Variants in ITIH5 observed in about 807,000 individuals in gnomAD.
ITIH5 encodes the protein inter-alpha-trypsin inhibitor heavy chain 5.
ITIH5 carries 65 observed loss-of-function variants against 77.5 expected under a neutral mutation model. That is an observed-to-expected ratio of 0.84 (90% CI 0.69 to 1.03). The LOEUF is 1.03. Among genes scored for constraint, ITIH5 ranks in the 50% least tolerant of loss-of-function variants. ITIH5 has a pLI of 0.00. For synonymous variants in ITIH5, 525 were observed against 494.3 expected (o/e 1.06, Z -0.82); for missense variants, 1,208 against 1,213.1 (o/e 1.00, Z 0.06).
In ITIH5 at chr10:7,660,506, A is replaced by C. The variant is rs1384565076; in HGVS notation, c.91-4831T>G. The stretch of plus-strand genomic sequence containing the variant: ...GGCTTCCTTAGGACGAGCATGTGTC[A>C]GTAACATCATCAGAGCTGTGGAGTG... On this transcript the variant is annotated intron_variant, in intron 1 of 13. Transcript: ENST00000397146. 2.0e-5 allele frequency among the ~76,000 whole-genome samples: 3 copies of C among 152,254 alleles called. No individual in the cohort carries two copies. The East Asian group carries it at 5.8e-4, about 29-fold the overall frequency.
intron 2 of ITIH5, among the ~76,000 whole-genome samples, chr10:7,644,446 A>C (rs1833944060): frequency 6.9e-6 from 1 of 145,298 alleles, no homozygotes; most frequent in Non-Finnish European, 1.5e-5. Context: ...TATATCACAT[A>C]TAGATCATAT....
At chr10:7,579,623 T>G in intron 9 of ITIH5, 132 bp downstream of exon 9, 1 of 851,756 alleles carries the variant, frequency 1.2e-6, no homozygotes, top group African/African-American at 1.7e-5. Context: ...CACCTCCCAT[T>G]GCAATGAGCT....
chr10:7,637,589 G>GACCCACACTCAC, intron 4 of ITIH5, 111 bp from the exon 5 acceptor site: 1 of 1,075,378 alleles, frequency 9.3e-7, no homozygotes, highest in Non-Finnish European at 1.3e-6. Flanking sequence ...CTGCCAGGGA[G>GACCCACACTCAC]ACCCATGGGT....
chr10:7,564,597 T>A (rs1318088254), intron 13 of ITIH5, among the ~76,000 whole-genome samples: 1 of 151,810 alleles, frequency 6.6e-6, no homozygotes, highest in Admixed American at 6.6e-5. Context: ...CCTAGCTGAG[T>A]GGGTAGTATG....
In ITIH5 at chr10:7,648,197, T is replaced by G. The variant is rs374954322; in HGVS notation, c.136-6107A>C. 3.0e-4 allele frequency among the ~76,000 whole-genome samples: 45 copies of G among 149,906 alleles called. No homozygotes were observed. The East Asian group carries it at 7.1e-3, about 24-fold the overall frequency. ...AAGCAGAGCTTCCAGTGAGCGGAGA[T>G]CACACCACTGCACTCCAGCCTGGGC... On this transcript the variant is annotated intron_variant, in intron 2 of 13. Transcript: ENST00000397146.
chr10:7,570,531 T>A (rs755132337), intron 11 of ITIH5: 2 of 152,270 alleles, frequency 1.3e-5, no homozygotes, highest in African/African-American at 4.8e-5. Flanking sequence ...CCTTTTATTA[T>A]ACAGACAGAA....
intron 2 of ITIH5, among the ~76,000 whole-genome samples, chr10:7,649,330 T>C (rs112726191): frequency 0.028 from 4,190 of 152,054 alleles, 82 homozygotes; most frequent in African/African-American, 0.056. Flanking sequence ...TCCTCCTCCT[T>C]CTTCTTTGCA....
intron 1 of ITIH5, among the ~76,000 whole-genome samples, chr10:7,657,041 CTTTTTTTTTTT>C (rs56737624): frequency 1.0e-5 from 1 of 99,868 alleles, no homozygotes. Flanking sequence ...CGCGTTCGGC[CTTTTTTTTTTT>C]TTTTTTTTTT....
intron 5 of ITIH5, among the ~76,000 whole-genome samples, chr10:7,630,733 T>C (rs1833698500): frequency 6.6e-6 from 1 of 152,226 alleles, no homozygotes; most frequent in Non-Finnish European, 1.5e-5. Context: ...CTATCAAATA[T>C]ATGATTTGCA....
At chr10:7,597,372 A>G (rs991432525) in intron 7 of ITIH5, among the ~76,000 whole-genome samples, 12 of 152,160 alleles carry the variant, frequency 7.9e-5, no homozygotes, top group African/African-American at 2.4e-4. Flanking sequence ...TGAAGGAACC[A>G]ACCAAAATTA....
intron 7 of ITIH5, among the ~76,000 whole-genome samples, chr10:7,599,938 C>T (rs1035994416): frequency 1.3e-5 from 2 of 152,088 alleles, no homozygotes; most frequent in African/African-American, 4.8e-5. Context: ...ATTTCTGTTG[C>T]AAGAGGGAAG....
In ITIH5 at chr10:7,559,843, C is replaced by A. The variant is rs1207173713; in HGVS notation, c.*3240G>T. 2 of 448,594 alleles carry A rather than the reference C, an allele frequency of 4.5e-6. No homozygotes were observed. Among genetic ancestry groups the A allele is most frequent in the African/African-American group, 4.4e-5 (2 of 45,618 alleles). The allele number at this position is 448,594 out of a possible 1,614,324, so 27.8% of individuals were successfully genotyped here. ...AGGAAAAACACCATCTCTCCCATGT[C>A]TTTTTTTTGTTTTGTTTTGTTTTTT... On this transcript the variant is annotated 3_prime_UTR_variant, in exon 14 of 14. Transcript: ENST00000397146.
rs929961456 is a variant in ITIH5, at chr10:7,567,101, T to G, written c.2150-694A>C. On this transcript the variant is annotated intron_variant, in intron 12 of 13. Coordinates refer to ENST00000397146, the MANE Select transcript of ITIH5 (RefSeq NM_030569.7). Reference sequence around the variant, plus strand: ...GTAAAGTTATGTGCGGATTTTTTACTGTTGTCTGACCAGTATGTTGGGATA... The same window carrying G: ...GTAAAGTTATGTGCGGATTTTTTACGGTTGTCTGACCAGTATGTTGGGATA... 4.0e-5 allele frequency among the ~76,000 whole-genome samples: 6 copies of G among 151,788 alleles called. No homozygotes were observed. The South Asian group carries it at 1.2e-3, about 32-fold the overall frequency.
chr10:7,644,863 C>CAT (rs71383932), intron 2 of ITIH5, among the ~76,000 whole-genome samples: 7 of 117,374 alleles, frequency 6.0e-5, no homozygotes, highest in African/African-American at 1.8e-4. Context: ...ATATGTATCA[C>CAT]ATATATATCA....
intron 7 of ITIH5, among the ~76,000 whole-genome samples, chr10:7,605,769 T>TTCCACGTTTGTTA (rs148424609): frequency 0.87 from 132,393 of 152,038 alleles, 58,146 homozygotes; most frequent in Non-Finnish European, 0.93. Flanking sequence ...TGATAAGCAC[T>TTCCACGTTTGTTA]TCTCATTTAA....
chr10:7,617,389 C>T lies in ITIH5; in HGVS notation c.653-107G>A, dbSNP rs1213171747. On this transcript the variant is annotated intron_variant, in intron 5 of 13. Coordinates refer to ENST00000397146, the MANE Select transcript of ITIH5 (RefSeq NM_030569.7). ...GTTTTAGATTTCATTTTATTACAGG[C>T]TTGTATTTCACAGGAACTTCTAAGA... The T allele has an allele frequency of 1.0e-5, 7 of 701,702 alleles. No individual in the cohort carries two copies. In the East Asian group the frequency reaches 2.2e-4, roughly 22 times the overall value. 43.5% of individuals were successfully genotyped at this position (701,702 alleles called of 1,614,324 possible).
chr10:7,596,349 TA>T (rs1199924567), intron 7 of ITIH5, among the ~76,000 whole-genome samples: 1 of 152,182 alleles, frequency 6.6e-6, no homozygotes, highest in Non-Finnish European at 1.5e-5. Flanking sequence ...GAATCGCGTC[TA>T]ATAAGACCCT....
rs751843272 is a variant in ITIH5, at chr10:7,642,136, AT to A, written c.136-47del. On this transcript the variant is annotated intron_variant, in intron 2 of 13. Transcript: ENST00000397146. ...AGTATCATCGGTGATGCATGAAAGCATTTTGGTGGTAGTGGAACATCTTTTT... is the reference window on the plus strand; with the variant it reads ...AGTATCATCGGTGATGCATGAAAGCATTTGGTGGTAGTGGAACATCTTTTT... 1.9e-5 allele frequency: 28 copies of A among 1,483,536 alleles called. No individual in the cohort carries two copies. The Admixed American group carries it at 5.0e-4, about 26-fold the overall frequency. The allele number at this position is 1,483,536 out of a possible 1,614,324, so 91.9% of individuals were successfully genotyped here.
chr10:7,591,085 CGG>C (rs1832785489), intron 7 of ITIH5, among the ~76,000 whole-genome samples: 1 of 152,078 alleles, frequency 6.6e-6, no homozygotes. Context: ...TTAGTAGAGA[CGG>C]GGTTTCACCA....
Sources: allele counts gnomAD v4.1 joint callset (sites outside exome capture counted in the v4.1 genomes callset), GRCh38; gene constraint gnomAD v4.1.1; transcripts MANE v1.5; gene names NCBI Gene and HGNC (gene_info 2026-07-23, HGNC 2026-07-21).